Variants in EIPR1 observed in about 807,000 individuals in gnomAD.
EIPR1 encodes the protein EARP complex and GARP complex interacting protein 1, also known as EARP and GARP complex-interacting protein 1.
A neutral mutation model predicts 48.1 loss-of-function variants in EIPR1; 25 were observed. The ratio of observed to expected loss-of-function variants is 0.52; its 90% confidence interval spans 0.38 to 0.73. The LOEUF is 0.73. Among genes scored for constraint, EIPR1 ranks in the 30% least tolerant of loss-of-function variants. The pLI is 0.00. For missense variants in EIPR1, 415 were observed against 506.2 expected, an observed-to-expected ratio of 0.82 and a Z score of 1.73; for synonymous variants, 204 against 201.9, an observed-to-expected ratio of 1.01 and a Z score of -0.09.
At chr2:3,214,076 A>T (rs1180167199) in intron 5 of EIPR1, 73 bp downstream of exon 5, 2 of 1,399,452 alleles carry the variant, frequency 1.4e-6, no homozygotes, top group African/African-American at 1.4e-5. Context: ...TTCAATTCCC[A>T]CCTATGAGTG....
At chr2:3,366,836 C>T (rs975994466) in intron 1 of EIPR1, among the ~76,000 whole-genome samples, 16 of 152,126 alleles carry the variant, frequency 1.1e-4, no homozygotes, top group African/African-American at 3.9e-4. Context: ...AGACGGAACA[C>T]GAGGTCAGGA....
At chr2:3,257,619 G>A in intron 3 of EIPR1, 164 bp from the exon 4 acceptor site, 1 of 738,604 alleles carries the variant, frequency 1.4e-6, no homozygotes, top group Non-Finnish European at 2.0e-6. Flanking sequence ...AGCACAGCCT[G>A]AGTCGGCAGG....
intron 3 of EIPR1, among the ~76,000 whole-genome samples, chr2:3,327,119 C>T (rs1669721488): frequency 6.6e-6 from 1 of 152,214 alleles, no homozygotes; most frequent in African/African-American, 2.4e-5. Flanking sequence ...TGGGGTGGGA[C>T]CCCGGGGAGC....
rs563688181 is a variant in EIPR1 at position 3,268,685 on chromosome 2, C to T, written c.260-11230G>A. On this transcript the variant is annotated intron_variant, in intron 3 of 8. Transcript: ENST00000382125. ...ACAGAAAGCACACTAGGACAGCGCG[C>T]GCAAGGGGCCTGTTGACCAGGAAGC... Among the ~76,000 whole-genome samples, 226 of 152,294 alleles carry T rather than the reference C, an allele frequency of 1.5e-3. 1 individual carries two copies. Among genetic ancestry groups the T allele is most frequent in the South Asian group, 2.9e-3 (14 of 4,826 alleles).
chr2:3,205,083 T>C (rs1432860524), intron 5 of EIPR1, among the ~76,000 whole-genome samples: 2 of 152,246 alleles, frequency 1.3e-5, no homozygotes, highest in Middle Eastern at 3.4e-3. Context: ...AGCAAGGCTG[T>C]GGTGTCTAGG....
chr2:3,190,317 C>T (rs930633772), intron 8 of EIPR1, among the ~76,000 whole-genome samples: 5 of 152,202 alleles, frequency 3.3e-5, no homozygotes, highest in Admixed American at 3.3e-4. Context: ...ATTTGTGTAC[C>T]GCATTCTAAC....
At chr2:3,268,820 G>T (rs555857361) in intron 3 of EIPR1, among the ~76,000 whole-genome samples, 81 of 152,294 alleles carry the variant, frequency 5.3e-4, no homozygotes, top group African/African-American at 1.9e-3. Context: ...GCAGGTGGGG[G>T]CATCTTCACC....
At chr2:3,257,212 T>C (rs1667184529) in intron 4 of EIPR1, 87 bp downstream of exon 4, 1 of 1,428,744 alleles carries the variant, frequency 7.0e-7, no homozygotes, top group South Asian at 1.5e-5. Flanking sequence ...GTGTGGACGG[T>C]GGCTCCTGCA....
chr2:3,211,489 A>C (rs764851607), intron 5 of EIPR1, among the ~76,000 whole-genome samples: 7 of 152,208 alleles, frequency 4.6e-5, no homozygotes, highest in Non-Finnish European at 7.3e-5. Flanking sequence ...TATTTGCATT[A>C]CAGGCACGCT....
chr2:3,214,278 C>T, intron 4 of EIPR1, 30 bp from the exon 5 acceptor site: 2 of 1,591,334 alleles, frequency 1.3e-6, no homozygotes, highest in Non-Finnish European at 1.7e-6. Context: ...CAAATGTTAA[C>T]ATAAACATTT....
At chr2:3,364,079 C>A (rs536284695) in intron 1 of EIPR1, among the ~76,000 whole-genome samples, 26 of 152,214 alleles carry the variant, frequency 1.7e-4, no homozygotes, top group African/African-American at 6.0e-4. Context: ...TAAATTAGTA[C>A]AGTCATTATG....
chr2:3,352,441 A>G (rs942917343), intron 2 of EIPR1, among the ~76,000 whole-genome samples: 5 of 149,058 alleles, frequency 3.4e-5, no homozygotes, highest in Non-Finnish European at 5.9e-5. Flanking sequence ...AGCCAACCAC[A>G]CTGTCTGTTC....
At position 3,377,786 on chromosome 2, in the gene EIPR1, T is replaced by TA; in HGVS notation, c.-98_-97insT. On this transcript the variant is annotated 5_prime_UTR_variant, in exon 1 of 9. The change creates a premature stop within an existing upstream ORF in the 5' untranslated region. Coordinates refer to ENST00000382125, the MANE Select transcript of EIPR1 (RefSeq NM_003310.5). ...TCGCGGGCGTGTTCCCAGCGCCCAT[T>TA]CATTCCCTCCCCGCAGCAAACGACT... The TA allele has an allele frequency of 7.2e-7, 1 of 1,394,830 alleles. No homozygotes were observed. Among genetic ancestry groups the TA allele is most frequent in the Non-Finnish European group, 9.9e-7 (1 of 1,014,002 alleles). The allele number at this position is 1,394,830 out of a possible 1,614,324, so 86.4% of individuals were successfully genotyped here. A position where few individuals can be genotyped will look rare whatever the true frequency, so the allele number is the denominator to read the frequency against.
intron 3 of EIPR1, among the ~76,000 whole-genome samples, chr2:3,260,875 CA>C (rs1667314703): frequency 6.6e-6 from 1 of 152,142 alleles, no homozygotes; most frequent in South Asian, 2.1e-4. Flanking sequence ...CCAACAATAG[CA>C]AGTATTGGCA....
rs1670405297 is a variant in EIPR1 at position 3,346,425 on chromosome 2, G to C, written c.126+8125C>G. On this transcript the variant is annotated intron_variant, in intron 2 of 8. Coordinates refer to ENST00000382125, the MANE Select transcript of EIPR1 (RefSeq NM_003310.5). ...ACATCACAAGGTTTACTTGTGAAAA[G>C]TGAGTATATTTGCTGCAGTAGAACT... Among the ~76,000 whole-genome samples, 4 of 152,240 alleles carry C rather than the reference G, an allele frequency of 2.6e-5. No individual in the cohort carries two copies. The South Asian group carries it at 8.3e-4, about 32-fold the overall frequency.
At chr2:3,298,095 G>C (rs569460952) in intron 3 of EIPR1, among the ~76,000 whole-genome samples, 1 of 152,318 alleles carries the variant, frequency 6.6e-6, no homozygotes, top group East Asian at 1.9e-4. Flanking sequence ...TGGGACTCAT[G>C]GATAATGCTA....
At chr2:3,280,390 C>T (rs1017454981) in intron 3 of EIPR1, among the ~76,000 whole-genome samples, 2 of 152,164 alleles carry the variant, frequency 1.3e-5, no homozygotes, top group African/African-American at 4.8e-5. Flanking sequence ...TGCCTCGAGG[C>T]GGCATCTCAG....
At chr2:3,205,629 C>T (rs1172871916) in intron 5 of EIPR1, among the ~76,000 whole-genome samples, 1 of 152,210 alleles carries the variant, frequency 6.6e-6, no homozygotes, top group Admixed American at 6.5e-5. Context: ...ACTGTGGCAC[C>T]TCTAGTGCCC....
At chr2:3,313,549 T>C (rs1424617541) in intron 3 of EIPR1, among the ~76,000 whole-genome samples, 1 of 152,130 alleles carries the variant, frequency 6.6e-6, no homozygotes, top group Admixed American at 6.5e-5. Context: ...TATGTGGACA[T>C]AAACGGGCTT....
Sources: gnomAD v4.1 joint callset for allele counts (sites outside exome capture counted in the v4.1 genomes callset) on GRCh38, gnomAD v4.1.1 for gene constraint, MANE v1.5 for transcripts, NCBI Gene and HGNC (gene_info 2026-07-23, HGNC 2026-07-21) for gene names.